The following GALK2 variants were observed in gnomAD, a reference collection of about 807,000 sequenced individuals.
GALK2 encodes N-acetylgalactosamine kinase.
Under a neutral mutation model 52.4 loss-of-function variants are expected in GALK2, and 36 were observed. The ratio of observed to expected loss-of-function variants is 0.69; its 90% confidence interval spans 0.53 to 0.91. The LOEUF (loss-of-function observed/expected upper bound fraction) is 0.91, where lower values mean the gene tolerates loss of function less well. GALK2 is among the 40% of genes least tolerant of loss of function. GALK2 has a pLI of 0.00. For synonymous variants in GALK2, 176 were observed against 199.1 expected (o/e 0.88, Z 0.98); for missense variants, 579 against 559.1 (o/e 1.04, Z -0.36).
intron 5 of GALK2, among the ~76,000 whole-genome samples, chr15:49,251,079 G>A (rs1040849118): frequency 5.9e-5 from 9 of 152,156 alleles, no homozygotes; most frequent in Non-Finnish European, 1.3e-4. Context: ...AAACCTTTCT[G>A]CCAAACCAAA....
Position 49,328,716 on chromosome 15 carries a change from T to A in GALK2, c.*557T>A, listed in dbSNP as rs764911836. On this transcript the variant is annotated 3_prime_UTR_variant, in exon 10 of 10. Coordinates refer to ENST00000560031, the MANE Select transcript of GALK2 (RefSeq NM_002044.4). ...ATGATTAAAGTTTCACAGATCTTCTTGGACATTGTATAATTGAATTTGAAT... is the reference window on the plus strand; with the variant it reads ...ATGATTAAAGTTTCACAGATCTTCTAGGACATTGTATAATTGAATTTGAAT... 2.8e-5 allele frequency: 44 copies of A among 1,545,108 alleles called. No homozygotes were observed. The highest frequency in any genetic ancestry group is 1.7e-4 in the Middle Eastern group (1 of 5,990).
intron 1 of GALK2, among the ~76,000 whole-genome samples, chr15:49,188,506 A>C (rs1336967570): frequency 6.6e-6 from 1 of 152,226 alleles, no homozygotes; most frequent in Non-Finnish European, 1.5e-5. Flanking sequence ...CTGGGGGTTA[A>C]GAGAGTGGTG....
At position 49,292,474 on chromosome 15, in the gene GALK2, A is replaced by G; in HGVS notation, c.904A>G (p.Arg302Gly). Residue 302 changes from arginine to glycine, a missense_variant, in exon 8 of 10, where the codon AGG becomes GGG. Physicochemically the swap from Arg to Gly is moderately radical, Grantham distance 125 (BLOSUM62 -2). Transcript: ENST00000560031. ...ACCCTATAACCCTGAGGAGATCTGC[A>G]GGTGTCTGGGAATTAGCCTGGAGGA... ...PEPYNPEEIC[R>G]CLGISLEELR... is the part of the protein sequence containing the mutation. 6.2e-7 allele frequency: 1 copy of G among 1,614,050 alleles called. No homozygotes were observed. The highest frequency in any genetic ancestry group is 8.5e-7 in the Non-Finnish European group (1 of 1,179,964).
chr15:49,220,978 T>C (rs1336899924), intron 3 of GALK2, among the ~76,000 whole-genome samples: 1 of 152,238 alleles, frequency 6.6e-6, no homozygotes, highest in Non-Finnish European at 1.5e-5. Flanking sequence ...ATATTTTGGA[T>C]ATTAGTTCCT....
chr15:49,247,215 G>A (rs1441493179), intron 5 of GALK2, among the ~76,000 whole-genome samples: 1 of 152,136 alleles, frequency 6.6e-6, no homozygotes, highest in African/African-American at 2.4e-5. Context: ...TGGTTGGGGT[G>A]TGGTGAGACA....
intron 1 of GALK2, among the ~76,000 whole-genome samples, chr15:49,184,178 T>C (rs1285242534): frequency 6.6e-6 from 1 of 152,216 alleles, no homozygotes; most frequent in Non-Finnish European, 1.5e-5. Flanking sequence ...TTTACAATTG[T>C]TACATTCTCT....
Position 49,267,444 on chromosome 15 carries a change from G to C in GALK2, c.505-14543G>C, listed in dbSNP as rs114217609. Among the ~76,000 whole-genome samples the C allele has an allele frequency of 6.4e-3, 969 of 152,276 alleles. 15 individuals are homozygous for C. The highest frequency in any genetic ancestry group is 0.022 in the African/African-American group (913 of 41,542). ...GGCCTAGTAGCTGGTTCAGGAGCAT[G>C]ACTGAAGTTTGGGCAAGCAAAGAAT... On this transcript the variant is annotated intron_variant, in intron 5 of 9. Coordinates refer to ENST00000560031, the MANE Select transcript of GALK2 (RefSeq NM_002044.4).
rs975560191 is a variant in GALK2 at position 49,365,196 on chromosome 15, T to C, written c.427-2295T>C. 1.5e-5 allele frequency: 12 copies of C among 822,558 alleles called. No individual in the cohort carries two copies. In the African/African-American group the frequency reaches 1.9e-4, roughly 13 times the overall value. The allele number at this position is 822,558 out of a possible 1,614,324, so 51.0% of individuals were successfully genotyped here. ...TTTGCATAATACAGATGGTCCATCA[T>C]CTGATAGCTGTTACCTTTCCAGAAC... On this transcript the variant is annotated intron_variant, in intron 3 of 3. Transcript: ENST00000558399.
chr15:49,322,912 G>A (rs1239799588), intron 9 of GALK2, among the ~76,000 whole-genome samples: 12 of 145,156 alleles, frequency 8.3e-5, no homozygotes, highest in East Asian at 4.1e-4. Context: ...AGCCGAGATC[G>A]CAACACTGCC....
chr15:49,331,604 A>C lies in GALK2; in HGVS notation c.*3445A>C. ...GGAATGTGAACATGAGTTGTCACTA[A>C]ATATGTAAAACAGATTTTCTTACAT... On this transcript the variant is annotated 3_prime_UTR_variant, in exon 10 of 10. Coordinates refer to ENST00000560031, the MANE Select transcript of GALK2 (RefSeq NM_002044.4). 2 of 549,336 alleles carry C rather than the reference A, an allele frequency of 3.6e-6. No homozygotes were observed. Among genetic ancestry groups the C allele is most frequent in the Non-Finnish European group, 6.4e-6 (2 of 310,492 alleles). The allele number at this position is 549,336 out of a possible 1,614,324, so 34.0% of individuals were successfully genotyped here. A position where few individuals can be genotyped will look rare whatever the true frequency, so the allele number is the denominator to read the frequency against.
At chr15:49,260,499 T>G in intron 5 of GALK2, among the ~76,000 whole-genome samples, 1 of 146,124 alleles carries the variant, frequency 6.8e-6, no homozygotes, top group Non-Finnish European at 1.5e-5. Flanking sequence ...GTGAAAATTT[T>G]CTCCCATTTT....
At chr15:49,164,386 C>T (rs375331724) in intron 1 of GALK2, among the ~76,000 whole-genome samples, 2 of 151,936 alleles carry the variant, frequency 1.3e-5, no homozygotes, top group African/African-American at 4.8e-5. Flanking sequence ...CCACAATCAG[C>T]TCCTCATTGA....
chr15:49,216,211 T>C (rs752994976), intron 2 of GALK2, among the ~76,000 whole-genome samples: 2 of 152,170 alleles, frequency 1.3e-5, no homozygotes, highest in Non-Finnish European at 2.9e-5. Flanking sequence ...GCCTGGTTAC[T>C]GCTGATGTTT....
At chr15:49,305,897 A>G (rs2035507836) in intron 8 of GALK2, among the ~76,000 whole-genome samples, 1 of 152,208 alleles carries the variant, frequency 6.6e-6, no homozygotes. Flanking sequence ...GCACATTTGT[A>G]ATCATGGAGT....
intron 9 of GALK2, among the ~76,000 whole-genome samples, chr15:49,326,458 G>A (rs1043058533): frequency 1.3e-5 from 2 of 151,876 alleles, no homozygotes; most frequent in Non-Finnish European, 2.9e-5. Flanking sequence ...CACCATGTTG[G>A]TCAGGCTGGT....
chr15:49,338,321 G>A (rs2040118072), intron 3 of GALK2, among the ~76,000 whole-genome samples: 1 of 152,130 alleles, frequency 6.6e-6, no homozygotes, highest in Non-Finnish European at 1.5e-5. Flanking sequence ...GGGCAGGCCT[G>A]GTGGTGACAA....
intron 3 of GALK2, chr15:49,353,995 T>A (rs186649142): frequency 6.6e-6 from 1 of 152,362 alleles, no homozygotes; most frequent in Admixed American, 6.5e-5. Context: ...GAAATCATTA[T>A]ATAAATAATG....
intron 2 of GALK2, among the ~76,000 whole-genome samples, chr15:49,214,332 C>CTTTTTTTTT (rs35359586): frequency 1.6e-5 from 2 of 126,702 alleles, no homozygotes; most frequent in Non-Finnish European, 3.2e-5. Flanking sequence ...CACTTTGTCA[C>CTTTTTTTTT]TTTTTTTTTT....
chr15:49,331,601 C>T lies in GALK2; in HGVS notation c.*3442C>T. 1.8e-6 allele frequency: 1 copy of T among 547,098 alleles called. No individual in the cohort carries two copies. The highest frequency in any genetic ancestry group is 3.2e-6 in the Non-Finnish European group (1 of 309,140). 33.9% of individuals were successfully genotyped at this position (547,098 alleles called of 1,614,324 possible). A position where few individuals can be genotyped will look rare whatever the true frequency, so the allele number is the denominator to read the frequency against. On this transcript the variant is annotated 3_prime_UTR_variant, in exon 10 of 10. Transcript: ENST00000560031. ...TGGGGAATGTGAACATGAGTTGTCA[C>T]TAAATATGTAAAACAGATTTTCTTA...
Sources: gnomAD v4.1 joint callset for allele counts (sites outside exome capture counted in the v4.1 genomes callset) on GRCh38, gnomAD v4.1.1 for gene constraint, MANE v1.5 for transcripts, NCBI Gene and HGNC (gene_info 2026-07-23, HGNC 2026-07-21) for gene names.